The following C3orf70 variants were observed in gnomAD, a reference collection of about 807,000 sequenced individuals.
C3orf70 encodes UPF0524 protein C3orf70.
Under a neutral mutation model 20.7 loss-of-function variants are expected in C3orf70, and 15 were observed. That is an observed-to-expected ratio of 0.72 (90% CI 0.48 to 1.11). The LOEUF is 1.11. Ranked by LOEUF, C3orf70 falls within the 50% of genes most tolerant of loss-of-function variation. The pLI is 0.00. For missense variants in C3orf70, 332 were observed against 317.6 expected, an observed-to-expected ratio of 1.05 and a Z score of -0.34; for synonymous variants, 161 against 125.7, an observed-to-expected ratio of 1.28 and a Z score of -1.88.
At chr3:185,146,319 C>T (rs1172563110) in intron 1 of C3orf70, among the ~76,000 whole-genome samples, 1 of 113,672 alleles carries the variant, frequency 8.8e-6, no homozygotes, top group Non-Finnish European at 1.7e-5. Flanking sequence ...GGGAGTTTCG[C>T]TCTTGTTGCC....
intron 1 of C3orf70, among the ~76,000 whole-genome samples, chr3:185,092,434 A>AC (rs138243292): frequency 0.024 from 3,647 of 152,026 alleles, 117 homozygotes; most frequent in African/African-American, 0.083. Context: ...GATCTCTGCC[A>AC]CCTACCTCAC....
At chr3:185,117,454 A>AAGAGAGAGAG (rs3072374) in intron 1 of C3orf70, among the ~76,000 whole-genome samples, 43 of 142,018 alleles carry the variant, frequency 3.0e-4, no homozygotes, top group African/African-American at 1.1e-3. Context: ...CACACACAGA[A>AAGAGAGAGAG]AGAGAGAGAG....
chr3:185,099,540 A>G (rs985845130), intron 1 of C3orf70, among the ~76,000 whole-genome samples: 2 of 152,244 alleles, frequency 1.3e-5, no homozygotes, highest in Non-Finnish European at 1.5e-5. Context: ...CATTACCACC[A>G]GATCTGCCTT....
chr3:185,089,655 T>C (rs1388816738), intron 1 of C3orf70, among the ~76,000 whole-genome samples: 3 of 152,162 alleles, frequency 2.0e-5, no homozygotes, highest in East Asian at 3.8e-4. Context: ...TTAAAAATAA[T>C]ATAAAAATAT....
chr3:185,095,631 T>G (rs1191776551), intron 1 of C3orf70, among the ~76,000 whole-genome samples: 2 of 152,218 alleles, frequency 1.3e-5, no homozygotes, highest in African/African-American at 4.8e-5. Context: ...TTTACTGGTT[T>G]TTTAAAAGAT....
Position 185,143,348 on chromosome 3 carries a change from A to G in C3orf70, c.196+9280T>C, listed in dbSNP as rs141968064. On this transcript the variant is annotated intron_variant, in intron 1 of 1. Transcript: ENST00000335012. ...ATTTTCCATGAAATACCAAATTGTT[A>G]TATTCTTAGTGCTTTTATTTCACTA... is the stretch of plus-strand genomic sequence containing the variant. Among the ~76,000 whole-genome samples, 15 of 152,314 alleles carry G rather than the reference A, an allele frequency of 9.8e-5. No homozygotes were observed. The East Asian group carries it at 2.9e-3, about 29-fold the overall frequency.
chr3:185,096,147 T>A (rs71634223), intron 1 of C3orf70, among the ~76,000 whole-genome samples: 59,391 of 151,824 alleles, frequency 0.39, 12,577 homozygotes, highest in Non-Finnish European at 0.5. Flanking sequence ...TACTTCTGTT[T>A]TTTTCTTTAA....
intron 1 of C3orf70, among the ~76,000 whole-genome samples, chr3:185,119,435 G>A (rs1412199506): frequency 1.3e-5 from 2 of 152,010 alleles, no homozygotes; most frequent in African/African-American, 2.4e-5. Context: ...GGCAGATCAC[G>A]AAGTCAGGAG....
In C3orf70 at chr3:185,078,792, C is replaced by T. The variant is rs1182745093; in HGVS notation, c.*4215G>A. The T allele has an allele frequency of 6.6e-6, 1 of 152,200 alleles. No individual in the cohort carries two copies. Among genetic ancestry groups the T allele is most frequent in the African/African-American group, 2.4e-5 (1 of 41,446 alleles). The allele number at this position is 152,200 out of a possible 1,614,324, so 9.4% of individuals were successfully genotyped here. A position where few individuals can be genotyped will look rare whatever the true frequency, so the allele number is the denominator to read the frequency against. On this transcript the variant is annotated 3_prime_UTR_variant, in exon 2 of 2. Transcript: ENST00000335012. Reference sequence around the variant, plus strand: ...AAGATGTGGGAATATTAAGAGCTGACTGTAGAAATATTTTAACTTGTGCTT... The same window carrying T: ...AAGATGTGGGAATATTAAGAGCTGATTGTAGAAATATTTTAACTTGTGCTT...
intron 1 of C3orf70, among the ~76,000 whole-genome samples, chr3:185,122,506 G>A (rs79217658): frequency 0.011 from 1,709 of 152,244 alleles, 43 homozygotes; most frequent in African/African-American, 0.038. Flanking sequence ...GTTGCATCAC[G>A]GAAAGTGGAA....
rs972138154 is a variant in C3orf70 at position 185,078,890 on chromosome 3, C to T, written c.*4117G>A. ...CAGCTTTATAAATTATCCAGGTGCA[C>T]CTATTACCCAAGTCAAGAATTAAAT... is the stretch of plus-strand genomic sequence containing the variant. On this transcript the variant is annotated 3_prime_UTR_variant, in exon 2 of 2. Coordinates refer to ENST00000335012, the MANE Select transcript of C3orf70 (RefSeq NM_001025266.3). 1 of 152,072 alleles carries T rather than the reference C, an allele frequency of 6.6e-6. No homozygotes were observed. The highest frequency in any genetic ancestry group is 1.5e-5 in the Non-Finnish European group (1 of 68,014). 9.4% of individuals were successfully genotyped at this position (152,072 alleles called of 1,614,324 possible).
chr3:185,137,205 G>T (rs950825328), intron 1 of C3orf70, among the ~76,000 whole-genome samples: 1 of 152,122 alleles, frequency 6.6e-6, no homozygotes, highest in African/African-American at 2.4e-5. Flanking sequence ...GTTGTCCACC[G>T]CCATCCACGT....
chr3:185,088,099 C>T lies in C3orf70; in HGVS notation c.197-4536G>A, dbSNP rs889706572. 1.8e-4 allele frequency among the ~76,000 whole-genome samples: 27 copies of T among 152,074 alleles called. 1 individual carries two copies. In the Middle Eastern group the frequency reaches 0.014, roughly 77 times the overall value. ...GCTAATTTTGTATTTTTGTTAGGGACGGAGTTTCTTCACATTAGTCAGGCT... is the reference window on the plus strand; with the variant it reads ...GCTAATTTTGTATTTTTGTTAGGGATGGAGTTTCTTCACATTAGTCAGGCT... On this transcript the variant is annotated intron_variant, in intron 1 of 1. Transcript: ENST00000335012.
In C3orf70 at chr3:185,098,532, C is replaced by T. The variant is rs139678096; in HGVS notation, c.197-14969G>A. ...GATTAATGCTAATAACTCAGAAAAT[C>T]TATAGTTTTCCCATAAAATCTCAAA... On this transcript the variant is annotated intron_variant, in intron 1 of 1. Coordinates refer to ENST00000335012, the MANE Select transcript of C3orf70 (RefSeq NM_001025266.3). Among the ~76,000 whole-genome samples, 385 of 152,272 alleles carry T rather than the reference C, an allele frequency of 2.5e-3. 2 individuals are homozygous for T. The highest frequency in any genetic ancestry group is 8.7e-3 in the African/African-American group (361 of 41,544).
chr3:185,098,240 G>A (rs1279237008), intron 1 of C3orf70, among the ~76,000 whole-genome samples: 1 of 152,190 alleles, frequency 6.6e-6, no homozygotes, highest in Non-Finnish European at 1.5e-5. Context: ...CAGATGGCTG[G>A]CTCAAAGAGG....
rs10663284 is a variant in C3orf70 at position 185,077,789 on chromosome 3, T to TGGGGGGGGGGG, written c.*5217_*5218insCCCCCCCCCCC. Reference sequence around the variant, plus strand: ...TGAAATAAATGCTATTTGGTGGTGGTGGGGGGGGGGTATCAAGTTTTATTT... The same window carrying TGGGGGGGGGGG: ...TGAAATAAATGCTATTTGGTGGTGGTGGGGGGGGGGGGGGGGGGGGGTATCAAGTTTTATTT... On this transcript the variant is annotated 3_prime_UTR_variant, in exon 2 of 2. Transcript: ENST00000335012. 2.4e-5 allele frequency among the ~76,000 whole-genome samples: 3 copies of TGGGGGGGGGGG among 124,174 alleles called. No individual in the cohort carries two copies. Among genetic ancestry groups the TGGGGGGGGGGG allele is most frequent in the Non-Finnish European group, 3.4e-5 (2 of 59,506 alleles). 81.5% of individuals were successfully genotyped at this position (124,174 alleles called of 152,430 possible). A position where few individuals can be genotyped will look rare whatever the true frequency, so the allele number is the denominator to read the frequency against.
At chr3:185,090,552 A>C (rs982956354) in intron 1 of C3orf70, among the ~76,000 whole-genome samples, 1 of 152,232 alleles carries the variant, frequency 6.6e-6, no homozygotes, top group African/African-American at 2.4e-5. Context: ...CTACTGAAAA[A>C]AAATGAGTGG....
chr3:185,136,909 AAACAACAACAACAACAACAACAAC>A (rs146226983), intron 1 of C3orf70, among the ~76,000 whole-genome samples: 1 of 149,780 alleles, frequency 6.7e-6, no homozygotes, highest in African/African-American at 2.5e-5. Flanking sequence ...GACTGTCTCA[AAACAACAACAACAACAACAACAAC>A]AACAACAACA....
intron 1 of C3orf70, among the ~76,000 whole-genome samples, chr3:185,122,853 C>T (rs1478987248): frequency 1.3e-5 from 2 of 151,864 alleles, no homozygotes; most frequent in Non-Finnish European, 2.9e-5. Context: ...GCTCCTTGGA[C>T]ATCAAAAAAT....
Sources: allele counts gnomAD v4.1 joint callset (sites outside exome capture counted in the v4.1 genomes callset), GRCh38; gene constraint gnomAD v4.1.1; transcripts MANE v1.5; gene names NCBI Gene and HGNC (gene_info 2026-07-23, HGNC 2026-07-21).